The following SCAND3 variants were observed in gnomAD, a reference collection of about 807,000 sequenced individuals.
SCAND3 encodes the protein SCAN domain containing 3, also known as SCAN domain-containing protein 3.
At chr6:28,607,093 C>G in the SCAND3 span, among the ~76,000 whole-genome samples, 1 of 152,168 alleles carries the variant, frequency 6.6e-6, no homozygotes, top group Admixed American at 6.6e-5. Context: ...TGCAATTTAC[C>G]GAATCTTTGA....
the SCAND3 span, chr6:28,575,283 T>C: frequency 1.2e-6 from 2 of 1,614,024 alleles, no homozygotes; most frequent in Non-Finnish European, 1.7e-6. This position sits in a 1 kb window ranked among gnomAD's most constrained non-coding sequence, Gnocchi z 4.2. Context: ...CCTCAGTTTG[T>C]TCTGCAGAAC....
chr6:28,613,828 A>G, the SCAND3 span, among the ~76,000 whole-genome samples: 1 of 152,228 alleles, frequency 6.6e-6, no homozygotes, highest in African/African-American at 2.4e-5. Flanking sequence ...AATGGTGTCT[A>G]AAAAGTCCAA....
chr6:28,573,529 A>C, the SCAND3 span: 3 of 1,613,332 alleles, frequency 1.9e-6, no homozygotes, highest in Admixed American at 5.0e-5. Flanking sequence ...TTGTGAACTT[A>C]TTTCTTTATG....
the SCAND3 span, among the ~76,000 whole-genome samples, chr6:28,613,520 A>C: frequency 6.6e-6 from 1 of 152,220 alleles, no homozygotes; most frequent in South Asian, 2.1e-4. Flanking sequence ...TGATCATTTT[A>C]GTCTTGAACC....
At chr6:28,614,581 C>T in the SCAND3 span, among the ~76,000 whole-genome samples, 1 of 152,154 alleles carries the variant, frequency 6.6e-6, no homozygotes, top group South Asian at 2.1e-4. Context: ...TCTCCTGTCT[C>T]AGCCTCCCAA....
At chr6:28,601,176 A>AT in the SCAND3 span, among the ~76,000 whole-genome samples, 1 of 152,106 alleles carries the variant, frequency 6.6e-6, no homozygotes, top group Non-Finnish European at 1.5e-5. Context: ...ATGTGCTGGG[A>AT]TTACAGGCAT....
chr6:28,589,441 G>A, the SCAND3 span: 1 of 152,116 alleles, frequency 6.6e-6, no homozygotes, highest in Non-Finnish European at 1.5e-5. Flanking sequence ...TTCGAATCTC[G>A]GTGGGACCTT....
chr6:28,582,912 C>G, the SCAND3 span, among the ~76,000 whole-genome samples: 1 of 151,770 alleles, frequency 6.6e-6, no homozygotes, highest in Non-Finnish European at 1.5e-5. The surrounding 1 kb of genome is among the most constrained non-coding windows in gnomAD (Gnocchi z 4.8). Context: ...CAGAGTGAGA[C>G]TCCGTCTCAA....
the SCAND3 span, chr6:28,589,892 C>T: frequency 2.0e-5 from 3 of 150,316 alleles, no homozygotes; most frequent in East Asian, 5.8e-4. Flanking sequence ...ACCTTGCGCC[C>T]CGGGTTACTT....
At chr6:28,609,994 G>A in the SCAND3 span, among the ~76,000 whole-genome samples, 1 of 152,124 alleles carries the variant, frequency 6.6e-6, no homozygotes, top group South Asian at 2.1e-4. Flanking sequence ...GGGAGGTGAG[G>A]TGGGCTGATC....
chr6:28,584,647 C>T, the SCAND3 span, among the ~76,000 whole-genome samples: 1 of 152,186 alleles, frequency 6.6e-6, no homozygotes, highest in African/African-American at 2.4e-5. Context: ...ATCAATGCAT[C>T]CAAATTCTCC....
At chr6:28,593,047 GA>G in the SCAND3 span, among the ~76,000 whole-genome samples, 6 of 147,522 alleles carry the variant, frequency 4.1e-5, no homozygotes, top group South Asian at 1.3e-3. Context: ...ACAAGCAACA[GA>G]AGCTAAAGCA....
the SCAND3 span, among the ~76,000 whole-genome samples, chr6:28,609,022 G>A: frequency 6.6e-6 from 1 of 152,168 alleles, no homozygotes; most frequent in Non-Finnish European, 1.5e-5. Context: ...GGGGGAGGGC[G>A]CTGTTCATGG....
the SCAND3 span, among the ~76,000 whole-genome samples, chr6:28,606,795 G>A: frequency 5.4e-3 from 825 of 152,282 alleles, 11 homozygotes; most frequent in African/African-American, 0.018. Context: ...TGCTGGGCCC[G>A]GGGACTGGAA....
At chr6:28,615,384 T>C in the SCAND3 span, among the ~76,000 whole-genome samples, 1 of 151,930 alleles carries the variant, frequency 6.6e-6, no homozygotes, top group African/African-American at 2.4e-5. Context: ...GAGGCCGAGG[T>C]GGGCGGATCA....
chr6:28,605,443 A>G, the SCAND3 span, among the ~76,000 whole-genome samples: 11 of 152,314 alleles, frequency 7.2e-5, no homozygotes, highest in East Asian at 3.9e-4. Context: ...AAAATATATA[A>G]GCACGCAAGA....
chr6:28,573,991 T>A, the SCAND3 span, among the ~76,000 whole-genome samples: 2 of 152,190 alleles, frequency 1.3e-5, no homozygotes, highest in East Asian at 3.8e-4. Flanking sequence ...GTTTTATACA[T>A]CTTTGGGTTA....
chr6:28,614,738 T>C, the SCAND3 span, among the ~76,000 whole-genome samples: 1 of 152,218 alleles, frequency 6.6e-6, no homozygotes, highest in African/African-American at 2.4e-5. Context: ...GTGCTGGGAT[T>C]ACAGGTGTGA....
chr6:28,575,419 C>T, the SCAND3 span: 1 of 1,613,954 alleles, frequency 6.2e-7, no homozygotes, highest in South Asian at 1.1e-5. The surrounding 1 kb of genome is among the most constrained non-coding windows in gnomAD (Gnocchi z 4.2). Flanking sequence ...ACTGGGTGCT[C>T]CAATAATTGT....
Sources: gnomAD v4.1 joint callset for allele counts (sites outside exome capture counted in the v4.1 genomes callset) on GRCh38, gnomAD v4.1.1 for gene constraint, Gnocchi (gnomAD v3.1) non-coding constraint, MANE v1.5 for transcripts, NCBI Gene and HGNC (gene_info 2026-07-23, HGNC 2026-07-21) for gene names.